MALT1: variants seen among roughly 807,000 people sequenced by gnomAD.
MALT1 encodes the protein MALT1 paracaspase.
Under a neutral mutation model 85.5 loss-of-function variants are expected in MALT1, and 36 were observed. The ratio of observed to expected loss-of-function variants is 0.42; its 90% CI spans 0.32 to 0.56. MALT1 has a LOEUF of 0.56. MALT1 is among the 20% of genes least tolerant of loss of function. MALT1 has a pLI of 0.10. For missense variants in MALT1, 716 were observed against 981.6 expected (o/e 0.73, Z 3.62); for synonymous variants, 359 against 361.3 (o/e 0.99, Z 0.07).
chr18:58,680,855 G>A (rs529892967), intron 1 of MALT1, among the ~76,000 whole-genome samples: 51 of 150,666 alleles, frequency 3.4e-4, no homozygotes, highest in African/African-American at 1.2e-3. Flanking sequence ...CCCGGGAAGC[G>A]GAGCTTGCAG....
chr18:58,745,973 G>C (rs1387844047), intron 16 of MALT1, among the ~76,000 whole-genome samples, 182 bp downstream of exon 16: 1 of 150,756 alleles, frequency 6.6e-6, no homozygotes, highest in East Asian at 1.9e-4. Flanking sequence ...CTTTATGTGT[G>C]CTTACCCTCC....
chr18:58,695,172 G>A (rs2054569492), intron 2 of MALT1, among the ~76,000 whole-genome samples: 1 of 152,190 alleles, frequency 6.6e-6, no homozygotes, highest in South Asian at 2.1e-4. Context: ...TAGCCACGTA[G>A]AACTGTAAGT....
At chr18:58,684,439 CTTTTTTTTTT>C (rs548214354) in intron 2 of MALT1, among the ~76,000 whole-genome samples, 1 of 73,546 alleles carries the variant, frequency 1.4e-5, no homozygotes, top group Non-Finnish European at 2.7e-5. Context: ...AAGATTTACT[CTTTTTTTTTT>C]TTTTTTTTTT....
Position 58,672,061 on chromosome 18 carries a change from G to C in MALT1, c.209+209G>C, listed in dbSNP as rs556960858. 7 of 359,000 alleles carry C rather than the reference G, an allele frequency of 1.9e-5. No individual in the cohort carries two copies. In the East Asian group the frequency reaches 3.0e-4, roughly 15 times the overall value. 22.2% of individuals were successfully genotyped at this position (359,000 alleles called of 1,614,324 possible). A position where few individuals can be genotyped will look rare whatever the true frequency, so the allele number is the denominator to read the frequency against. ...TTTGAGAGCGGGGCCCAGGGCTCTG[G>C]AGGGTGGAGGCAAAAGTGGCCCAGC... On this transcript the variant is annotated intron_variant, in intron 1 of 16. Coordinates refer to ENST00000649217, the MANE Select transcript of MALT1 (RefSeq NM_006785.4).
intron 1 of MALT1, among the ~76,000 whole-genome samples, chr18:58,676,953 T>C (rs1335697145): frequency 6.6e-6 from 1 of 152,230 alleles, no homozygotes; most frequent in Non-Finnish European, 1.5e-5. Context: ...TAATACATTC[T>C]ATTTGATTAT....
rs983614173 is a variant in MALT1, at chr18:58,750,232, A to G, written c.*2390A>G. 1.8e-5 allele frequency: 3 copies of G among 170,000 alleles called. No individual in the cohort carries two copies. The highest frequency in any genetic ancestry group is 3.8e-5 in the Non-Finnish European group (3 of 78,208). 10.5% of individuals were successfully genotyped at this position (170,000 alleles called of 1,614,324 possible). On this transcript the variant is annotated 3_prime_UTR_variant, in exon 17 of 17. Transcript: ENST00000649217. ...CCTATATACAGTAGCATCAAGAATA[A>G]AACTCCAACACGTTTAAAGAAATTA... is the stretch of plus-strand genomic sequence containing the variant.
In MALT1 at chr18:58,747,962, T is replaced by G. The variant is rs2055393884; in HGVS notation, c.*120T>G. On this transcript the variant is annotated 3_prime_UTR_variant, in exon 17 of 17. Transcript: ENST00000649217. The stretch of plus-strand genomic sequence containing the variant: ...TATGTAGAGAAAGAATAGTAGTAAC[T>G]GTTTCATAGCAAACTTCAGGACTTT... 1 of 703,950 alleles carries G rather than the reference T, an allele frequency of 1.4e-6. No homozygotes were observed. The highest frequency in any genetic ancestry group is 1.8e-5 in the African/African-American group (1 of 56,218). 43.6% of individuals were successfully genotyped at this position (703,950 alleles called of 1,614,324 possible).
chr18:58,747,782 A>G lies in MALT1; in HGVS notation c.2415A>G (p.Val805=). 6.2e-7 allele frequency: 1 copy of G among 1,614,146 alleles called. No homozygotes were observed. Among genetic ancestry groups the G allele is most frequent in the Non-Finnish European group, 8.5e-7 (1 of 1,179,974 alleles). Residue 805 remains valine (V), a synonymous_variant, in exon 17 of 17, where the codon GTA becomes GTG. Coordinates refer to ENST00000649217, the MANE Select transcript of MALT1 (RefSeq NM_006785.4). ...SCHFSRSNVP[V]ETTDEIPFSF... ...ATTTTAGTAGAAGTAATGTGCCAGT[A>G]GAGACAACTGATGAAATACCATTTA... is the stretch of plus-strand genomic sequence containing the variant.
intron 1 of MALT1, among the ~76,000 whole-genome samples, chr18:58,678,929 A>G (rs1384709221): frequency 6.6e-6 from 1 of 152,238 alleles, no homozygotes; most frequent in East Asian, 1.9e-4. Flanking sequence ...TGGCAGGAAA[A>G]GGAGCAGGAT....
chr18:58,747,038 T>TTTAA (rs1224659893), intron 16 of MALT1, among the ~76,000 whole-genome samples: 1 of 152,238 alleles, frequency 6.6e-6, no homozygotes, highest in African/African-American at 2.4e-5. Flanking sequence ...CAGATCATTT[T>TTTAA]TTAATTAAAA....
chr18:58,695,218 G>C (rs906554348), intron 2 of MALT1, among the ~76,000 whole-genome samples: 4 of 152,146 alleles, frequency 2.6e-5, no homozygotes, highest in Non-Finnish European at 4.4e-5. Flanking sequence ...TTGCCCAGTC[G>C]TGGGTATGCC....
chr18:58,740,505 A>C (rs1177862252), intron 13 of MALT1, among the ~76,000 whole-genome samples: 1 of 145,222 alleles, frequency 6.9e-6, no homozygotes, highest in Non-Finnish European at 1.6e-5. Context: ...TTTTTAGTTG[A>C]CTTTTTTTTT....
chr18:58,734,066 C>T lies in MALT1; in HGVS notation c.1401-241C>T, dbSNP rs188356284. 9,047 of 1,308,658 alleles carry T rather than the reference C, an allele frequency of 6.9e-3. 48 individuals carry two copies. The highest frequency in any genetic ancestry group is 0.012 in the Admixed American group (365 of 30,868). 81.1% of individuals were successfully genotyped at this position (1,308,658 alleles called of 1,614,324 possible). On this transcript the variant is annotated intron_variant, in intron 11 of 16. Coordinates refer to ENST00000649217, the MANE Select transcript of MALT1 (RefSeq NM_006785.4). ...TAGATTTACTATTTTTTTGCTTGCT[C>T]AGCATTTACCAATCAAAATCCAATG...
rs1267560603 is a variant in MALT1, at chr18:58,671,668, C to G, written c.25C>G (p.Gln9Glu). The change falls in exon 1 of 17, where the codon CAG becomes GAG. Residue 9 changes from glutamine to glutamate, a missense_variant. Transcript: ENST00000649217. ...CATGTCGCTGTTGGGGGACCCGCTA[C>G]AGGCCCTGCCGCCCTCGGCCGCCCC... The part of the protein sequence containing the change: MSLLGDPL[Q>E]ALPPSAAPTG... 3.7e-5 allele frequency: 46 copies of G among 1,231,700 alleles called. No individual in the cohort carries two copies. Among genetic ancestry groups the G allele is most frequent in the Non-Finnish European group, 4.7e-5 (46 of 988,444 alleles). 76.3% of individuals were successfully genotyped at this position (1,231,700 alleles called of 1,614,324 possible).
At chr18:58,721,724 T>C (rs891652725) in intron 9 of MALT1, among the ~76,000 whole-genome samples, 2 of 152,212 alleles carry the variant, frequency 1.3e-5, no homozygotes, top group Non-Finnish European at 2.9e-5. Context: ...GAAATAATCA[T>C]CTCAATTATT....
intron 13 of MALT1, among the ~76,000 whole-genome samples, chr18:58,740,781 G>T (rs766734519): frequency 6.6e-6 from 1 of 151,958 alleles, no homozygotes; most frequent in African/African-American, 2.4e-5. Context: ...TAGGTTTGGC[G>T]TATTAATTTT....
chr18:58,699,865 T>C (rs1002943581), intron 3 of MALT1, among the ~76,000 whole-genome samples: 1 of 152,246 alleles, frequency 6.6e-6, no homozygotes, highest in Admixed American at 6.5e-5. Context: ...CCCGTCTTAC[T>C]GTCTCATTGA....
chr18:58,735,452 C>CTT, intron 13 of MALT1, 123 bp downstream of exon 13: 1 of 899,834 alleles, frequency 1.1e-6, no homozygotes. Flanking sequence ...TTAGTACCTA[C>CTT]TTTATAAAAC....
At chr18:58,730,355 G>A (rs1162275591) in intron 10 of MALT1, among the ~76,000 whole-genome samples, 2 of 152,058 alleles carry the variant, frequency 1.3e-5, no homozygotes, top group East Asian at 3.9e-4. Context: ...TCTATTTTCT[G>A]TTTCTGTGGA....
Sources: allele counts gnomAD v4.1 joint callset (sites outside exome capture counted in the v4.1 genomes callset), GRCh38; gene constraint gnomAD v4.1.1; transcripts MANE v1.5; gene names NCBI Gene and HGNC (gene_info 2026-07-23, HGNC 2026-07-21).